FRY: variants seen among roughly 807,000 people sequenced by gnomAD.
FRY encodes FRY microtubule binding protein, also known as protein furry homolog.
Under a neutral mutation model 348.4 loss-of-function variants are expected in FRY, and 128 were observed. The observed-to-expected ratio is 0.37, with a 90% CI of 0.32 to 0.43. The LOEUF (loss-of-function observed/expected upper bound fraction) is 0.43, where lower values mean the gene tolerates loss of function less well. Ranked by LOEUF, FRY falls within the 20% of genes least tolerant of loss-of-function variation. The pLI is 1.00. For missense variants in FRY, 2,736 were observed against 3,695.2 expected (o/e 0.74, Z 6.73); for synonymous variants, 1,370 against 1,374.7 (o/e 1.00, Z 0.08).
rs546395833 is a variant in FRY, at chr13:32,039,499, C to A, written c.70+7634C>A. Among the ~76,000 whole-genome samples, 33 of 152,208 alleles carry A rather than the reference C, an allele frequency of 2.2e-4. No homozygotes were observed. In the South Asian group the frequency reaches 5.0e-3, roughly 23 times the overall value. ...TCTCTGTCTCTCTCCCACCTCCCCCCCCATACGTGTGTGAGAGAGAAAATA... is the reference window on the plus strand; with the variant it reads ...TCTCTGTCTCTCTCCCACCTCCCCCACCATACGTGTGTGAGAGAGAAAATA... On this transcript the variant is annotated intron_variant, in intron 1 of 60. Coordinates refer to ENST00000542859, the MANE Select transcript of FRY (RefSeq NM_023037.3).
intron 36 of FRY, among the ~76,000 whole-genome samples, chr13:32,220,789 C>T (rs1015106873): frequency 6.6e-6 from 1 of 152,140 alleles, no homozygotes; most frequent in Non-Finnish European, 1.5e-5. Context: ...CAATATTCTC[C>T]CTTTTTGTTT....
chr13:32,031,832 A>G lies in FRY; in HGVS notation c.37A>G (p.Ser13Gly). 3.1e-6 allele frequency: 5 copies of G among 1,603,244 alleles called. No individual in the cohort carries two copies. The highest frequency in any genetic ancestry group is 3.4e-6 in the Non-Finnish European group (4 of 1,171,336). Reference sequence around the variant, plus strand: ...GCAGGATTCGGGCTTCTTTGAGATCAGTATCAAATATTTACTGAAATCCTG... The same window carrying G: ...GCAGGATTCGGGCTTCTTTGAGATCGGTATCAAATATTTACTGAAATCCTG... The part of the protein sequence containing the change: ...SQQDSGFFEI[S>G]IKYLLKSWSN... The change falls in exon 1 of 61, where the codon AGT becomes GGT. Residue 13 changes from serine (S) to glycine (G), a missense_variant. Around this residue, in one of 9 missense-constraint regions of FRY, gnomAD observed 309 missense variants for 418.1 expected, o/e 0.74. Transcript: ENST00000542859.
chr13:32,202,261 T>C, intron 30 of FRY, 95 bp from the exon 31 acceptor site: 1 of 988,162 alleles, frequency 1.0e-6, no homozygotes, highest in South Asian at 1.3e-5. Context: ...AATTAATTAA[T>C]TTTGTTACTT....
intron 3 of FRY, among the ~76,000 whole-genome samples, chr13:32,103,754 C>T (rs1877332714): frequency 6.6e-6 from 1 of 152,024 alleles, no homozygotes; most frequent in African/African-American, 2.4e-5. Context: ...CTCCTGAGCC[C>T]AAGAGTTCGA....
At chr13:32,222,367 G>A (rs1416551911) in intron 36 of FRY, among the ~76,000 whole-genome samples, 6 of 152,234 alleles carry the variant, frequency 3.9e-5, no homozygotes, top group African/African-American at 9.6e-5. Context: ...AGCCGCTGGA[G>A]GGTGTTGAGC....
chr13:32,206,067 G>A (rs1025642287), intron 31 of FRY, among the ~76,000 whole-genome samples: 2 of 152,026 alleles, frequency 1.3e-5, no homozygotes, highest in Non-Finnish European at 2.9e-5. Flanking sequence ...AGCCCAGGAT[G>A]TTGAGTGTAT....
At chr13:32,066,675 A>G (rs923533581) in intron 1 of FRY, among the ~76,000 whole-genome samples, 2 of 152,110 alleles carry the variant, frequency 1.3e-5, no homozygotes, top group Admixed American at 1.3e-4. Flanking sequence ...AGGTGCAGTC[A>G]TCTTTTAGTT....
At position 32,247,396 on chromosome 13, in the gene FRY, CATACCA is replaced by C. The variant is rs1449355245; in HGVS notation, c.6903_6908del (p.Tyr2302_Gln2303del). On this transcript the variant is annotated inframe_deletion, in exon 48 of 61. Transcript: ENST00000542859. ...CGGTCAGCCAGCCTTGTTTTACCTT[CATACCA>C]GCACAGTGACCTCTCAAAAATAGAA... is the stretch of plus-strand genomic sequence containing the variant. The C allele has an allele frequency of 1.9e-6, 3 of 1,612,988 alleles. No homozygotes were observed. The highest frequency in any genetic ancestry group is 8.5e-7 in the Non-Finnish European group (1 of 1,178,940).
chr13:32,222,923 A>G (rs1350362831), intron 36 of FRY, among the ~76,000 whole-genome samples: 1 of 152,184 alleles, frequency 6.6e-6, no homozygotes, highest in African/African-American at 2.4e-5. Context: ...GATGACTTTA[A>G]GTCTCTTGTC....
At position 32,237,470 on chromosome 13, in the gene FRY, G is replaced by A. The variant is rs2806639; in HGVS notation, c.5902G>A (p.Gly1968Ser). The A allele has an allele frequency of 0.31, 494,507 of 1,613,560 alleles. 79,829 individuals carry two copies. The highest frequency in any genetic ancestry group is 0.34 in the African/African-American group (25,287 of 74,866). The change falls in exon 44 of 61, where the codon GGC (glycine) becomes AGC (serine). Residue 1968 changes from glycine (G) to serine (S), a missense_variant. By Grantham distance (56) the Gly-to-Ser change is moderately conservative. Coordinates refer to ENST00000542859, the MANE Select transcript of FRY (RefSeq NM_023037.3). The surrounding 1 kb of genome is among the most constrained non-coding windows in gnomAD (Gnocchi z 6.3). ...AAACATGAACCCGGGAACCACCAGC[G>A]GCAACACCGCAACTGCCGAACGGAG... ...QLNMNPGTTS[G>S]NTATAERSRH...
chr13:32,284,788 AT>A (rs1888967100), intron 58 of FRY, among the ~76,000 whole-genome samples: 1 of 152,232 alleles, frequency 6.6e-6, no homozygotes, highest in South Asian at 2.1e-4. Context: ...TGTGATGAAA[AT>A]AATAGCTACT....
At chr13:32,113,731 G>A (rs191031097) in intron 3 of FRY, among the ~76,000 whole-genome samples, 1 of 152,350 alleles carries the variant, frequency 6.6e-6, no homozygotes. Flanking sequence ...TCCCGTAAAT[G>A]AAGGAGTTGA....
chr13:32,078,717 T>C (rs778430119), intron 1 of FRY, 117 bp from the exon 2 acceptor site: 78 of 831,718 alleles, frequency 9.4e-5, no homozygotes, highest in Non-Finnish European at 1.6e-4. Context: ...CAGGTTATAA[T>C]ATTAAGTGTG....
chr13:32,057,197 C>G (rs2138426819), intron 1 of FRY, among the ~76,000 whole-genome samples: 1 of 151,358 alleles, frequency 6.6e-6, no homozygotes, highest in East Asian at 1.9e-4. Flanking sequence ...TTAAGACAGA[C>G]TCTCACTCTG....
intron 28 of FRY, among the ~76,000 whole-genome samples, chr13:32,193,429 T>C (rs1020624821): frequency 3.3e-5 from 5 of 151,926 alleles, no homozygotes; most frequent in African/African-American, 4.8e-5. Context: ...TTTAGGTGAG[T>C]GGCCACTCTG....
intron 8 of FRY, among the ~76,000 whole-genome samples, chr13:32,133,394 A>G (rs147265906): frequency 1.3e-5 from 2 of 152,304 alleles, no homozygotes; most frequent in South Asian, 4.1e-4. Flanking sequence ...TTCTTAGCAC[A>G]TGACAAACAC....
chr13:32,201,350 C>A (rs906350126), intron 29 of FRY, among the ~76,000 whole-genome samples: 1 of 152,178 alleles, frequency 6.6e-6, no homozygotes, highest in Non-Finnish European at 1.5e-5. Flanking sequence ...AGGTGTCCCT[C>A]ATCAGGATTC....
At chr13:32,032,434 G>C (rs1328298423) in intron 1 of FRY, among the ~76,000 whole-genome samples, 1 of 152,280 alleles carries the variant, frequency 6.6e-6, no homozygotes, top group East Asian at 1.9e-4. Flanking sequence ...CTTCCATGTG[G>C]ATGATGTTCT....
At chr13:32,052,206 T>A (rs909873858) in intron 1 of FRY, among the ~76,000 whole-genome samples, 4 of 152,236 alleles carry the variant, frequency 2.6e-5, no homozygotes, top group Non-Finnish European at 5.9e-5. Context: ...CAGTCTCACC[T>A]GGCCTGATAC....
Sources: allele counts gnomAD v4.1 joint callset (sites outside exome capture counted in the v4.1 genomes callset), GRCh38; gene constraint gnomAD v4.1.1; regional missense constraint gnomAD v4.1.1; non-coding constraint Gnocchi (gnomAD v3.1); transcripts MANE v1.5; gene names NCBI Gene and HGNC (gene_info 2026-07-23, HGNC 2026-07-21).